DIS3: variants seen among roughly 807,000 people sequenced by gnomAD.
The protein encoded by DIS3 is exosome complex exonuclease RRP44.
A neutral mutation model predicts 113.0 loss-of-function variants in DIS3; 103 were observed. The observed-to-expected ratio is 0.91, with a 90% CI of 0.78 to 1.07. The LOEUF is 1.07. DIS3 is among the 50% of genes least tolerant of loss of function. The pLI is 0.00. For missense variants in DIS3, 1,121 were observed against 1,167.1 expected (o/e 0.96, Z 0.58); for synonymous variants, 402 against 394.3 (o/e 1.02, Z -0.23).
At position 72,757,487 on chromosome 13, in the gene DIS3, G is replaced by C. The variant is rs2033514894; in HGVS notation, c.*2308C>G. 1 of 146,370 alleles carries C rather than the reference G, an allele frequency of 6.8e-6. No homozygotes were observed. Among genetic ancestry groups the C allele is most frequent in the Admixed American group, 7.0e-5 (1 of 14,328 alleles). The allele number at this position is 146,370 out of a possible 1,614,324, so 9.1% of individuals were successfully genotyped here. ...ATCATCCAGGCTGAACTGCAGTGGT[G>C]CAATCTCGGCTCACTGCAACTTCCG... On this transcript the variant is annotated 3_prime_UTR_variant, in exon 21 of 21. Transcript: ENST00000377767.
In DIS3 at chr13:72,756,630, T is replaced by C. The variant is rs2033481465; in HGVS notation, c.*3165A>G. 1 of 152,168 alleles carries C rather than the reference T, an allele frequency of 6.6e-6. No individual in the cohort carries two copies. Among genetic ancestry groups the C allele is most frequent in the Non-Finnish European group, 1.5e-5 (1 of 68,050 alleles). 9.4% of individuals were successfully genotyped at this position (152,168 alleles called of 1,614,324 possible). On this transcript the variant is annotated 3_prime_UTR_variant, in exon 21 of 21. Transcript: ENST00000377767. ...CCCACGTGTCAAGGGTGGGACCAGG[T>C]GGAGGTAACTGGATCATGGGGGCGG... is the stretch of plus-strand genomic sequence containing the variant.
chr13:72,761,474 TA>T lies in DIS3; in HGVS notation c.2558del (p.Leu853TyrfsTer3). 2 of 1,609,440 alleles carry T rather than the reference TA, an allele frequency of 1.2e-6. No homozygotes were observed. Among genetic ancestry groups the T allele is most frequent in the South Asian group, 1.1e-5 (1 of 90,198 alleles). On this transcript the variant is annotated frameshift_variant, in exon 19 of 21. Transcript: ENST00000377767. LOFTEE classifies it high-confidence loss of function. ...CCACAATGGCATTCTTTCTTACAAA[TA>T]AAATATAGGCTTCTTCACTTACTAT... ...KGIVSEEAYI[L>X]FVRKNAIVVL...
rs1299330595 is a variant in DIS3 at position 72,759,505 on chromosome 13, A to C, written c.*290T>G. ...TAATCTGCTCCTCAATGAGATGAGC[A>C]CTCCATTTAAATGATCTTTACAGAT... On this transcript the variant is annotated 3_prime_UTR_variant, in exon 21 of 21. Coordinates refer to ENST00000377767, the MANE Select transcript of DIS3 (RefSeq NM_014953.5). 1 of 275,050 alleles carries C rather than the reference A, an allele frequency of 3.6e-6. No individual in the cohort carries two copies. Among genetic ancestry groups the C allele is most frequent in the Non-Finnish European group, 6.8e-6 (1 of 146,670 alleles). 17.0% of individuals were successfully genotyped at this position (275,050 alleles called of 1,614,324 possible).
chr13:72,778,392 G>A lies in DIS3; in HGVS notation c.387-12C>T, dbSNP rs1240085672. On this transcript the variant is annotated splice_polypyrimidine_tract_variant and intron_variant, in intron 2 of 20. Transcript: ENST00000377767. ...CTACATAGGTTTCTCTAAATGGAAA[G>A]AAAAAACGAAATAAAAGGAAATCAG... The A allele has an allele frequency of 1.3e-6, 2 of 1,525,422 alleles. No homozygotes were observed. The highest frequency in any genetic ancestry group is 1.9e-5 in the Admixed American group (1 of 53,642). The allele number at this position is 1,525,422 out of a possible 1,614,324, so 94.5% of individuals were successfully genotyped here. A position where few individuals can be genotyped will look rare whatever the true frequency, so the allele number is the denominator to read the frequency against.
chr13:72,772,514 T>C (rs1049699786), intron 9 of DIS3, among the ~76,000 whole-genome samples, 179 bp downstream of exon 9: 6 of 152,152 alleles, frequency 3.9e-5, no homozygotes, highest in African/African-American at 9.7e-5. Context: ...ATAGAAAAAC[T>C]TACCCTTCAA....
At position 72,780,999 on chromosome 13, in the gene DIS3, T is replaced by C. The variant is rs1300242618; in HGVS notation, c.233A>G (p.Asp78Gly). The change falls in exon 2 of 21, where the codon GAT becomes GGT. Residue 78 changes from aspartate to glycine, a missense_variant. Asp to Gly is a moderately conservative substitution (Grantham distance 94, BLOSUM62 -1). Transcript: ENST00000377767. ...PDTNVLLHQI[D>G]VLEDPAIRNV... ...CCTGATGGCAGGGTCCTCAAGAACATCAATCTTAAAGAAAGATAAAGTTAA... is the reference window on the plus strand; with the variant it reads ...CCTGATGGCAGGGTCCTCAAGAACACCAATCTTAAAGAAAGATAAAGTTAA... The C allele has an allele frequency of 3.1e-6, 5 of 1,598,210 alleles. No individual in the cohort carries two copies. The Admixed American group carries it at 5.4e-5, about 17-fold the overall frequency.
intron 15 of DIS3, among the ~76,000 whole-genome samples, chr13:72,764,288 C>T (rs1188509999): frequency 1.3e-5 from 2 of 152,038 alleles, no homozygotes; most frequent in African/African-American, 2.4e-5. Flanking sequence ...ATAAAGTTTA[C>T]AAGAACTAAA....
At chr13:72,775,496 C>T (rs2138222390) in intron 5 of DIS3, 121 bp from the exon 6 acceptor site, 1 of 1,158,570 alleles carries the variant, frequency 8.6e-7, no homozygotes, top group Non-Finnish European at 1.1e-6. Flanking sequence ...TCTATTTCTC[C>T]TTTATAGATT....
chr13:72,755,794 G>A lies in DIS3; in HGVS notation c.*4001C>T, dbSNP rs1438349669. The A allele has an allele frequency of 7.5e-6, 3 of 398,284 alleles. No individual in the cohort carries two copies. Among genetic ancestry groups the A allele is most frequent in the Admixed American group, 4.4e-5 (1 of 22,726 alleles). 24.7% of individuals were successfully genotyped at this position (398,284 alleles called of 1,614,324 possible). On this transcript the variant is annotated 3_prime_UTR_variant, in exon 21 of 21. Transcript: ENST00000377767. ...TGTTCTAGTTACTACTTTTAAGTAT[G>A]TAAATACTAGAAAGGTAGTACTAGT...
chr13:72,769,438 A>G (rs1203422411), intron 13 of DIS3, among the ~76,000 whole-genome samples: 1 of 152,084 alleles, frequency 6.6e-6, no homozygotes, highest in Non-Finnish European at 1.5e-5. Flanking sequence ...AATAACCAAA[A>G]TATACAAATA....
chr13:72,775,328 ATCT>A lies in DIS3; in HGVS notation c.867_869del (p.Glu289del). ...TGGGGAGAAGCTCCACAGCCACAATATCTTCGTGAACAGCTCTGTTTAAATGTT... is the reference window on the plus strand; with the variant it reads ...TGGGGAGAAGCTCCACAGCCACAATATCGTGAACAGCTCTGTTTAAATGTT... On this transcript the variant is annotated inframe_deletion, in exon 6 of 21. Coordinates refer to ENST00000377767, the MANE Select transcript of DIS3 (RefSeq NM_014953.5). 6.2e-7 allele frequency: 1 copy of A among 1,613,672 alleles called. No individual in the cohort carries two copies. Among genetic ancestry groups the A allele is most frequent in the Non-Finnish European group, 8.5e-7 (1 of 1,179,720 alleles).
At position 72,772,774 on chromosome 13, in the gene DIS3, A is replaced by C. The variant is rs945684941; in HGVS notation, c.1305T>G (p.Leu435=). 1.9e-6 allele frequency: 3 copies of C among 1,613,342 alleles called. No homozygotes were observed. In the African/African-American group the frequency reaches 4.0e-5, roughly 22 times the overall value. The change falls in exon 9 of 21, where the codon CTT becomes CTG. Residue 435 remains leucine, a synonymous_variant. Coordinates refer to ENST00000377767, the MANE Select transcript of DIS3 (RefSeq NM_014953.5). ...AAGGCTGATGGGGAACATCGTGTTC[A>C]AGTAACAAAACTTCTGTTTCAGTCT... The part of the protein sequence containing the change: ...EKETETEVLL[L]EHDVPHQPFS...
chr13:72,772,956 T>C (rs2033922915), intron 8 of DIS3, 117 bp from the exon 9 acceptor site: 1 of 1,205,400 alleles, frequency 8.3e-7, no homozygotes, highest in Admixed American at 3.1e-5. Context: ...CCCATAACGA[T>C]TTCTGAAAAA....
At chr13:72,780,650 G>A (rs958679302) in intron 2 of DIS3, among the ~76,000 whole-genome samples, 196 bp downstream of exon 2, 2 of 152,048 alleles carry the variant, frequency 1.3e-5, no homozygotes, top group Non-Finnish European at 2.9e-5. Context: ...TTGGTTTTAG[G>A]CTTGAGCCCA....
At position 72,775,389 on chromosome 13, in the gene DIS3, C is replaced by T. The variant is rs147782310; in HGVS notation, c.823-14G>A. ...CTGTAAGATTATCTGTTTAAAACAA[C>T]AGAGGGCACGTGCCCAAATTATTTT... On this transcript the variant is annotated splice_polypyrimidine_tract_variant and intron_variant, in intron 5 of 20. Coordinates refer to ENST00000377767, the MANE Select transcript of DIS3 (RefSeq NM_014953.5). 8.1e-4 allele frequency: 1,285 copies of T among 1,577,452 alleles called. 11 individuals are homozygous for T. The East Asian group carries it at 0.021, about 25-fold the overall frequency.
chr13:72,777,508 TTA>T lies in DIS3; in HGVS notation c.581-17_581-16del. The T allele has an allele frequency of 6.2e-7, 1 of 1,611,796 alleles. No individual in the cohort carries two copies. Among genetic ancestry groups the T allele is most frequent in the Non-Finnish European group, 8.5e-7 (1 of 1,178,184 alleles). ...ATATTCTTCACCTGAAAAAATAAGT[TTA>T]TGTTGTTTTTGATAAGTGTTTTTTC... On this transcript the variant is annotated splice_polypyrimidine_tract_variant and intron_variant, in intron 3 of 20. Coordinates refer to ENST00000377767, the MANE Select transcript of DIS3 (RefSeq NM_014953.5).
intron 3 of DIS3, 33 bp from the exon 4 acceptor site, chr13:72,777,526 G>A (rs1174122059): frequency 6.3e-7 from 1 of 1,593,518 alleles, no homozygotes; most frequent in Non-Finnish European, 8.6e-7. Flanking sequence ...TTTTTGATAA[G>A]TGTTTTTTCC....
chr13:72,780,921 G>C lies in DIS3; in HGVS notation c.311C>G (p.Pro104Arg). 3 of 1,612,958 alleles carry C rather than the reference G, an allele frequency of 1.9e-6. No individual in the cohort carries two copies. Among genetic ancestry groups the C allele is most frequent in the Non-Finnish European group, 2.5e-6 (3 of 1,179,720 alleles). Reference sequence around the variant, plus strand: ...CACATCTCGGATGCGTTTATATACGGGGGCACTGCGATTTCTCACTTCTTG... The same window carrying C: ...CACATCTCGGATGCGTTTATATACGCGGGCACTGCGATTTCTCACTTCTTG... ...VLQEVRNRSA[P>R]VYKRIRDVTN... Residue 104 changes from proline (P) to arginine (R), a missense_variant, in exon 2 of 21, where the codon CCC (proline) becomes CGC (arginine). Pro to Arg is a moderately radical substitution (Grantham distance 103). Transcript: ENST00000377767.
At chr13:72,774,323 T>G (rs1398399063) in intron 6 of DIS3, among the ~76,000 whole-genome samples, 2 of 152,156 alleles carry the variant, frequency 1.3e-5, no homozygotes, top group Non-Finnish European at 2.9e-5. Flanking sequence ...ATACGTATGT[T>G]AGAACTCAAC....
Sources: allele counts gnomAD v4.1 joint callset (sites outside exome capture counted in the v4.1 genomes callset), GRCh38; gene constraint gnomAD v4.1.1; transcripts MANE v1.5; gene names NCBI Gene and HGNC (gene_info 2026-07-23, HGNC 2026-07-21).